Variants in CDH23 observed in about 807,000 individuals in gnomAD.
The protein encoded by CDH23 is cadherin related 23.
Under a neutral mutation model 317.1 loss-of-function variants are expected in CDH23, and 189 were observed. The observed-to-expected ratio is 0.60, with a 90% confidence interval of 0.53 to 0.67. The LOEUF is 0.67. CDH23 is among the 30% of genes least tolerant of loss of function. The probability of loss-of-function intolerance (pLI) is 0.00; values close to 1 mark genes in which losing one functional copy is unlikely to be tolerated. For synonymous variants in CDH23, 1,839 were observed against 1,876.8 expected, an observed-to-expected ratio of 0.98 and a Z score of 0.52; for missense variants, 4,401 against 4,592.4, an observed-to-expected ratio of 0.96 and a Z score of 1.20.
chr10:71,417,643 T>C (rs1466343245), intron 1 of CDH23, among the ~76,000 whole-genome samples: 2 of 152,216 alleles, frequency 1.3e-5, no homozygotes, highest in African/African-American at 4.8e-5. Context: ...AAGTTCTGTC[T>C]CTATCACCCA....
chr10:71,518,489 T>G (rs761052037), intron 6 of CDH23, among the ~76,000 whole-genome samples: 26 of 152,294 alleles, frequency 1.7e-4, no homozygotes, highest in Non-Finnish European at 2.6e-4. Context: ...TACTCAGAGC[T>G]CACTGCTGGC....
intron 14 of CDH23, among the ~76,000 whole-genome samples, chr10:71,661,306 CACCT>C (rs1863639890): frequency 6.6e-6 from 1 of 152,164 alleles, no homozygotes; most frequent in Non-Finnish European, 1.5e-5. Flanking sequence ...CCCACCCACC[CACCT>C]AAAAAGGGAA....
At chr10:71,439,584 C>G (rs1849776101) in intron 1 of CDH23, among the ~76,000 whole-genome samples, 1 of 152,208 alleles carries the variant, frequency 6.6e-6, no homozygotes, top group Non-Finnish European at 1.5e-5. Flanking sequence ...CCAATAGGCC[C>G]CAGCCTCACC....
At chr10:71,769,430 TAA>T (rs773638350) in intron 38 of CDH23, among the ~76,000 whole-genome samples, 25 of 152,132 alleles carry the variant, frequency 1.6e-4, no homozygotes, top group Admixed American at 7.9e-4. Context: ...ATGACAGCGA[TAA>T]AAAGTTTCCT....
rs569954382 is a variant in CDH23 at position 71,490,539 on chromosome 10, A to G, written c.146-19543A>G. The stretch of plus-strand genomic sequence containing the variant: ...AAAATGGGAGATCGTCATATTACAT[A>G]GGAGGAAATTGAGGCCCAAAGAGGC... On this transcript the variant is annotated intron_variant, in intron 3 of 69. Coordinates refer to ENST00000224721, the MANE Select transcript of CDH23 (RefSeq NM_022124.6). 2.6e-5 allele frequency among the ~76,000 whole-genome samples: 4 copies of G among 152,350 alleles called. No individual in the cohort carries two copies. The East Asian group carries it at 7.7e-4, about 29-fold the overall frequency.
chr10:71,762,315 G>A lies in CDH23; in HGVS notation c.4846-15365G>A, dbSNP rs186088593. Among the ~76,000 whole-genome samples, 25 of 152,352 alleles carry A rather than the reference G, an allele frequency of 1.6e-4. No homozygotes were observed. In the East Asian group the frequency reaches 4.2e-3, roughly 26 times the overall value. On this transcript the variant is annotated intron_variant, in intron 38 of 69. Transcript: ENST00000224721. ...GCAGTCGGGTGTGTCCCTCTTCCCAGTAGAGTATATGCAAAACCTGTTGGG... is the reference window on the plus strand; with the variant it reads ...GCAGTCGGGTGTGTCCCTCTTCCCAATAGAGTATATGCAAAACCTGTTGGG...
intron 3 of CDH23, among the ~76,000 whole-genome samples, chr10:71,500,904 C>G (rs894499773): frequency 1.3e-4 from 19 of 151,188 alleles, no homozygotes; most frequent in African/African-American, 2.4e-5. Context: ...GAGTCTCGCT[C>G]TGTCCTCCAG....
intron 6 of CDH23, among the ~76,000 whole-genome samples, chr10:71,544,038 G>C (rs1218001236): frequency 6.6e-6 from 1 of 152,234 alleles, no homozygotes; most frequent in Non-Finnish European, 1.5e-5. Context: ...TAAAGGGCCA[G>C]CCTCGTCCTC....
intron 11 of CDH23, among the ~76,000 whole-genome samples, chr10:71,628,907 G>A (rs1008929705): frequency 6.6e-6 from 1 of 152,188 alleles, no homozygotes; most frequent in African/African-American, 2.4e-5. Context: ...ATCAACACAC[G>A]GATGATATCT....
Position 71,812,758 on chromosome 10 carries a change from C to G in CDH23, c.9511-10C>G, listed in dbSNP as rs377030241. 4 of 1,613,058 alleles carry G rather than the reference C, an allele frequency of 2.5e-6. No individual in the cohort carries two copies. In the African/African-American group the frequency reaches 5.3e-5, roughly 22 times the overall value. On this transcript the variant is annotated splice_polypyrimidine_tract_variant and intron_variant, in intron 67 of 69. Coordinates refer to ENST00000224721, the MANE Select transcript of CDH23 (RefSeq NM_022124.6). ...CTGCCTCTGCTCCAGCTAACATCCC[C>G]TCTCCCCAGGGAACTTTTGGGCGTG...
chr10:71,768,594 GCCTC>G (rs1840613178), intron 38 of CDH23, among the ~76,000 whole-genome samples: 1 of 151,962 alleles, frequency 6.6e-6, no homozygotes, highest in Non-Finnish European at 1.5e-5. Flanking sequence ...TCCCACCCCT[GCCTC>G]CCAACTAGGA....
At chr10:71,446,185 G>T in intron 2 of CDH23, 133 bp from the exon 3 acceptor site, 1 of 818,434 alleles carries the variant, frequency 1.2e-6, no homozygotes, top group Non-Finnish European at 2.0e-6. Context: ...GTGACTTCCA[G>T]GGTCCTGGGA....
chr10:71,781,234 A>G (rs1438061857), intron 41 of CDH23, among the ~76,000 whole-genome samples: 1 of 152,230 alleles, frequency 6.6e-6, no homozygotes, highest in East Asian at 1.9e-4. Context: ...ACAACAACCT[A>G]TATATGGAGG....
chr10:71,471,695 C>T lies in CDH23; in HGVS notation c.145+25300C>T, dbSNP rs533670708. 8.4e-4 allele frequency among the ~76,000 whole-genome samples: 128 copies of T among 151,784 alleles called. 1 individual carries two copies. The highest frequency in any genetic ancestry group is 7.5e-3 in the South Asian group (36 of 4,820). ...CCCTCCCTCTCTAACCATCCCACGC[C>T]GTGTTGTTTCTGACCCCAGGGCCTT... On this transcript the variant is annotated intron_variant, in intron 3 of 69. Transcript: ENST00000224721.
chr10:71,491,719 G>A (rs944191236), intron 3 of CDH23, among the ~76,000 whole-genome samples: 2 of 152,206 alleles, frequency 1.3e-5, no homozygotes, highest in African/African-American at 2.4e-5. Context: ...CATTGGAAAA[G>A]ATGAGGTAAA....
chr10:71,601,626 C>T (rs528713683), intron 9 of CDH23, among the ~76,000 whole-genome samples: 1 of 152,268 alleles, frequency 6.6e-6, no homozygotes, highest in South Asian at 2.1e-4. Flanking sequence ...GAACCCCATC[C>T]CTCAGGGCCC....
chr10:71,552,878 C>A (rs1856674794), intron 6 of CDH23, among the ~76,000 whole-genome samples: 1 of 152,124 alleles, frequency 6.6e-6, no homozygotes, highest in Admixed American at 6.5e-5. Context: ...CACCTTGCAT[C>A]CATGTTTGGA....
intron 32 of CDH23, 108 bp from the exon 33 acceptor site, chr10:71,734,132 A>C: frequency 4.7e-6 from 4 of 856,928 alleles, no homozygotes; most frequent in Non-Finnish European, 7.7e-6. Flanking sequence ...GTCCTGGGGA[A>C]GTTATGCCGG....
chr10:71,580,854 C>G (rs74147350), intron 9 of CDH23, among the ~76,000 whole-genome samples: 5,881 of 152,100 alleles, frequency 0.039, 356 homozygotes, highest in African/African-American at 0.13. Flanking sequence ...CCCCACCCCC[C>G]ATTCCTACCC....
Sources: allele counts gnomAD v4.1 joint callset (sites outside exome capture counted in the v4.1 genomes callset), GRCh38; gene constraint gnomAD v4.1.1; transcripts MANE v1.5; gene names NCBI Gene and HGNC (gene_info 2026-07-23, HGNC 2026-07-21).